ZNF385D: variants seen among roughly 807,000 people sequenced by gnomAD.
ZNF385D encodes the protein zinc finger protein 659.
ZNF385D carries 15 observed loss-of-function variants against 35.8 expected under a neutral mutation model. The ratio of observed to expected loss-of-function variants is 0.42; its 90% CI spans 0.28 to 0.64. ZNF385D has a LOEUF of 0.64. Among genes scored for constraint, ZNF385D ranks in the 30% least tolerant of loss-of-function variants. ZNF385D has a pLI of 0.23. For synonymous variants in ZNF385D, 212 were observed against 186.8 expected (o/e 1.13, Z -1.10); for missense variants, 474 against 494.6 (o/e 0.96, Z 0.39).
At chr3:22,285,067 T>C (rs993761034) in intron 2 of ZNF385D, among the ~76,000 whole-genome samples, 4 of 152,122 alleles carry the variant, frequency 2.6e-5, no homozygotes, top group Non-Finnish European at 5.9e-5. Flanking sequence ...AAACTGGCCA[T>C]ATACAAGTTT....
intron 3 of ZNF385D, among the ~76,000 whole-genome samples, chr3:21,848,856 G>A (rs541026080): frequency 1.5e-4 from 23 of 151,964 alleles, no homozygotes; most frequent in African/African-American, 5.1e-4. Context: ...GACTCTAAAC[G>A]TGCTGGCAGA....
intron 1 of ZNF385D, among the ~76,000 whole-genome samples, chr3:21,698,525 T>C (rs1021550389): frequency 2.0e-5 from 3 of 152,152 alleles, no homozygotes. Flanking sequence ...ACTTGGTTGA[T>C]GGATACACTA....
At chr3:22,253,433 T>C (rs1347548490) in intron 2 of ZNF385D, among the ~76,000 whole-genome samples, 2 of 152,144 alleles carry the variant, frequency 1.3e-5, no homozygotes, top group South Asian at 2.1e-4. Context: ...TTGTAAATTA[T>C]AAAAGCAGTT....
intron 1 of ZNF385D, among the ~76,000 whole-genome samples, chr3:21,723,738 C>A (rs187662178): frequency 1.2e-4 from 18 of 152,094 alleles, no homozygotes; most frequent in African/African-American, 3.6e-4. Context: ...AGGATATTAT[C>A]CAGGAGAACT....
At chr3:21,696,565 C>G (rs2067477669) in intron 1 of ZNF385D, among the ~76,000 whole-genome samples, 1 of 152,228 alleles carries the variant, frequency 6.6e-6, no homozygotes, top group South Asian at 2.1e-4. Context: ...ACATTTCCCT[C>G]TTACACCATT....
At chr3:21,840,464 T>G (rs773026140) in intron 3 of ZNF385D, among the ~76,000 whole-genome samples, 8 of 152,070 alleles carry the variant, frequency 5.3e-5, no homozygotes, top group African/African-American at 1.9e-4. Context: ...CTCCTTCCTT[T>G]TGTCTAGTTG....
At chr3:21,937,831 A>G (rs999122183) in intron 3 of ZNF385D, among the ~76,000 whole-genome samples, 7 of 152,226 alleles carry the variant, frequency 4.6e-5, no homozygotes, top group African/African-American at 9.6e-5. Flanking sequence ...TGTAGTTAAT[A>G]TAAGACAATA....
intron 1 of ZNF385D, among the ~76,000 whole-genome samples, chr3:21,749,759 A>G (rs2069967781): frequency 6.6e-6 from 1 of 152,232 alleles, no homozygotes; most frequent in Admixed American, 6.5e-5. Flanking sequence ...AGCTTTTGGA[A>G]CTTAGATTCC....
chr3:21,748,780 A>T (rs983275410), intron 1 of ZNF385D, among the ~76,000 whole-genome samples: 1 of 152,230 alleles, frequency 6.6e-6, no homozygotes, highest in Non-Finnish European at 1.5e-5. Flanking sequence ...AGATACATAC[A>T]CATGTACACA....
intron 1 of ZNF385D, among the ~76,000 whole-genome samples, chr3:21,726,245 G>A (rs62239391): frequency 0.17 from 25,308 of 152,110 alleles, 2,539 homozygotes; most frequent in Admixed American, 0.29. Context: ...AAAACTGGAA[G>A]CATTCCCTTT....
intron 2 of ZNF385D, among the ~76,000 whole-genome samples, chr3:22,280,582 T>A (rs1207024142): frequency 6.6e-6 from 1 of 152,096 alleles, no homozygotes; most frequent in Non-Finnish European, 1.5e-5. Flanking sequence ...TGGCTGTAAG[T>A]ATTTGGCTTT....
chr3:22,345,768 G>C (rs915671908), intron 2 of ZNF385D, among the ~76,000 whole-genome samples: 2 of 152,104 alleles, frequency 1.3e-5, no homozygotes, highest in Non-Finnish European at 2.9e-5. Flanking sequence ...ATTTCACTTA[G>C]GGGAAGACAG....
intron 3 of ZNF385D, among the ~76,000 whole-genome samples, chr3:21,989,683 A>T (rs1340262429): frequency 1.3e-5 from 2 of 152,196 alleles, no homozygotes; most frequent in South Asian, 2.1e-4. Context: ...TAATAATAAA[A>T]AAAAAAGGAC....
rs1439574939 is a variant in ZNF385D at position 21,420,726 on chromosome 3, A to G, written c.*488T>C. 1 of 153,864 alleles carries G rather than the reference A, an allele frequency of 6.5e-6. No homozygotes were observed. Among genetic ancestry groups the G allele is most frequent in the South Asian group, 2.0e-4 (1 of 4,978 alleles). 9.5% of individuals were successfully genotyped at this position (153,864 alleles called of 1,614,324 possible). A position where few individuals can be genotyped will look rare whatever the true frequency, so the allele number is the denominator to read the frequency against. On this transcript the variant is annotated 3_prime_UTR_variant, in exon 8 of 8. Coordinates refer to ENST00000281523, the MANE Select transcript of ZNF385D (RefSeq NM_024697.3). ...GGATAAATACCCAGTAATTGCCGTC[A>G]TAGCAAGAGGACCAGCACGGGTAGT...
chr3:21,658,544 T>A (rs554870600), intron 2 of ZNF385D, among the ~76,000 whole-genome samples: 1 of 152,038 alleles, frequency 6.6e-6, no homozygotes, highest in South Asian at 2.1e-4. Context: ...CTGTTATGTG[T>A]TTTTCCTGTC....
chr3:21,928,731 T>A (rs1700867786), intron 3 of ZNF385D, among the ~76,000 whole-genome samples: 1 of 152,130 alleles, frequency 6.6e-6, no homozygotes, highest in African/African-American at 2.4e-5. Context: ...CACCTAGACA[T>A]TTAGATAAAA....
intron 2 of ZNF385D, among the ~76,000 whole-genome samples, chr3:22,225,442 C>T (rs2638143): frequency 0.38 from 58,259 of 151,970 alleles, 13,434 homozygotes; most frequent in East Asian, 0.72. Context: ...AATTAAATTT[C>T]TTTCCCCACT....
chr3:22,144,481 G>A (rs1466006232), intron 3 of ZNF385D, among the ~76,000 whole-genome samples: 1 of 144,700 alleles, frequency 6.9e-6, no homozygotes, highest in South Asian at 2.2e-4. Flanking sequence ...GGCTAAGGCA[G>A]GAAATTGCTT....
intron 2 of ZNF385D, among the ~76,000 whole-genome samples, chr3:21,636,414 A>ATATATATATATATATATATATATATAT (rs56114816): frequency 1.6e-5 from 1 of 64,514 alleles, no homozygotes; most frequent in African/African-American, 6.0e-5. Context: ...ATATATATAT[A>ATATATATATATATATATATATATATAT]GAGTTTCTTA....
Sources: gnomAD v4.1 joint callset for allele counts (sites outside exome capture counted in the v4.1 genomes callset) on GRCh38, gnomAD v4.1.1 for gene constraint, MANE v1.5 for transcripts, NCBI Gene and HGNC (gene_info 2026-07-23, HGNC 2026-07-21) for gene names.